Variants in ENPP3 observed in about 807,000 individuals in gnomAD.
The protein encoded by ENPP3 is ectonucleotide pyrophosphatase/phosphodiesterase 3, also known as ectonucleotide pyrophosphatase/phosphodiesterase family member 3.
A neutral mutation model predicts 117.8 loss-of-function variants in ENPP3; 104 were observed. That is an observed-to-expected ratio of 0.88 (90% CI 0.75 to 1.04). ENPP3 has a LOEUF of 1.04. ENPP3 is among the 50% of genes least tolerant of loss of function. The probability of loss-of-function intolerance (pLI) is 0.00; values close to 1 mark genes in which losing one functional copy is unlikely to be tolerated. For synonymous variants in ENPP3, 380 were observed against 349.9 expected, an observed-to-expected ratio of 1.09 and a Z score of -0.96; for missense variants, 1,026 against 1,051.9, an observed-to-expected ratio of 0.98 and a Z score of 0.34.
Position 131,650,014 on chromosome 6 carries a change from C to T in ENPP3, c.155-13C>T, listed in dbSNP as rs1444634830. The stretch of plus-strand genomic sequence containing the variant: ...CTCCTAAATGTTCGGGCCCTATTTC[C>T]TTTACTTTGTAGGCAGCTGCAGGAA... On this transcript the variant is annotated splice_polypyrimidine_tract_variant and intron_variant, in intron 2 of 24. Transcript: ENST00000357639. The T allele has an allele frequency of 5.6e-6, 9 of 1,613,548 alleles. No individual in the cohort carries two copies. The highest frequency in any genetic ancestry group is 7.6e-6 in the Non-Finnish European group (9 of 1,179,786).
chr6:131,683,059 T>G lies in ENPP3; in HGVS notation c.1017T>G (p.Ile339Met), dbSNP rs1228584624. 2.5e-6 allele frequency: 4 copies of G among 1,594,778 alleles called. No individual in the cohort carries two copies. The highest frequency in any genetic ancestry group is 3.4e-6 in the Non-Finnish European group (4 of 1,162,984). ...HAGGPVSARV[I>M]KALQVVDHAF... ...AACTCCAAATTATTTTTCAGGTAAT[T>G]AAAGCCTTACAGGTAGTAGATCATG... Residue 339 changes from isoleucine (I) to methionine (M), a missense_variant, in exon 12 of 25, where the codon ATT (isoleucine) becomes ATG (methionine). Ile to Met is a conservative substitution (Grantham distance 10). Transcript: ENST00000357639.
At chr6:131,655,232 T>C (rs767679365) in intron 5 of ENPP3, among the ~76,000 whole-genome samples, 2 of 152,238 alleles carry the variant, frequency 1.3e-5, no homozygotes, top group Non-Finnish European at 2.9e-5. Context: ...AGTCAATTCA[T>C]CTCTGAAAAG....
chr6:131,690,688 G>A (rs1302530566), intron 14 of ENPP3, among the ~76,000 whole-genome samples: 1 of 152,020 alleles, frequency 6.6e-6, no homozygotes, highest in Non-Finnish European at 1.5e-5. Flanking sequence ...GCAAAGAGTG[G>A]TTAATATAAT....
chr6:131,732,339 G>A (rs1403362970), intron 20 of ENPP3, among the ~76,000 whole-genome samples: 1 of 152,096 alleles, frequency 6.6e-6, no homozygotes, highest in Non-Finnish European at 1.5e-5. Flanking sequence ...AAATACTCGA[G>A]TTAGGCAGCA....
rs190263685 is a variant in ENPP3, at chr6:131,680,467, G to A, written c.1011+2527G>A. ...ATAAATGTGGATTTAAAGCTCAAAG[G>A]AGGTGAAGATCTGGGATATCGGCAG... On this transcript the variant is annotated intron_variant, in intron 11 of 24. Coordinates refer to ENST00000357639, the MANE Select transcript of ENPP3 (RefSeq NM_005021.5). Among the ~76,000 whole-genome samples the A allele has an allele frequency of 5.9e-5, 9 of 152,304 alleles. No individual in the cohort carries two copies. The East Asian group carries it at 1.5e-3, about 26-fold the overall frequency.
At chr6:131,646,066 A>G (rs1269254194) in intron 2 of ENPP3, among the ~76,000 whole-genome samples, 1 of 152,188 alleles carries the variant, frequency 6.6e-6, no homozygotes, top group African/African-American at 2.4e-5. Flanking sequence ...CATGTAAGAC[A>G]ACAGACTTGA....
chr6:131,738,193 T>C (rs905685566), intron 23 of ENPP3, 30 bp downstream of exon 23: 5 of 1,587,006 alleles, frequency 3.2e-6, no homozygotes, highest in East Asian at 4.5e-5. Context: ...GATTTATCAA[T>C]AGGGTCTCAT....
At chr6:131,706,525 TCTCAGAACGTATCCGCATCATTAAA>T (rs1196251488) in intron 15 of ENPP3, among the ~76,000 whole-genome samples, 1 of 150,970 alleles carries the variant, frequency 6.6e-6, no homozygotes, top group African/African-American at 2.5e-5. Flanking sequence ...ACCGCACATT[TCTCAGAACGTATCCGCATCATTAAA>T]CAACACGTGA....
chr6:131,724,038 A>G lies in ENPP3; in HGVS notation c.1747-2A>G, dbSNP rs764914565. On this transcript the variant is annotated splice_acceptor_variant, in intron 18 of 24. Transcript: ENST00000357639. LOFTEE classifies it high-confidence loss of function. ...CCTTTCCCATCCCTCATTATCTTGCAGAGTACTCAGCTGGAACAAGTGAAT... is the reference window on the plus strand; with the variant it reads ...CCTTTCCCATCCCTCATTATCTTGCGGAGTACTCAGCTGGAACAAGTGAAT... The G allele has an allele frequency of 3.1e-6, 5 of 1,607,138 alleles. No homozygotes were observed. The highest frequency in any genetic ancestry group is 4.3e-6 in the Non-Finnish European group (5 of 1,174,242).
chr6:131,724,110 T>A lies in ENPP3; in HGVS notation c.1798+19T>A, dbSNP rs775262078. The A allele has an allele frequency of 6.3e-7, 1 of 1,576,048 alleles. No individual in the cohort carries two copies. Among genetic ancestry groups the A allele is most frequent in the Admixed American group, 1.7e-5 (1 of 59,766 alleles). On this transcript the variant is annotated intron_variant, in intron 19 of 24. Transcript: ENST00000357639. Reference sequence around the variant, plus strand: ...GAAGAAAGTAAGTCAATAGAAAACATGTTAAGTCTTTGATATTTAGACCTA... The same window carrying A: ...GAAGAAAGTAAGTCAATAGAAAACAAGTTAAGTCTTTGATATTTAGACCTA...
intron 21 of ENPP3, among the ~76,000 whole-genome samples, chr6:131,735,316 GACTTTCCA>G (rs1780371797): frequency 6.6e-6 from 1 of 152,128 alleles, no homozygotes; most frequent in Admixed American, 6.5e-5. Context: ...TATGTTGATT[GACTTTCCA>G]ACTTTCAGGG....
intron 1 of ENPP3, among the ~76,000 whole-genome samples, chr6:131,639,077 A>G (rs1777986464): frequency 6.6e-6 from 1 of 151,952 alleles, no homozygotes. Flanking sequence ...TTTTAAGGTC[A>G]CCGCTATTCT....
At position 131,727,555 on chromosome 6, in the gene ENPP3, CAAAA is replaced by C. The variant is rs773470669; in HGVS notation, c.1953+1375_1953+1378del. On this transcript the variant is annotated intron_variant, in intron 20 of 24. Coordinates refer to ENST00000357639, the MANE Select transcript of ENPP3 (RefSeq NM_005021.5). The stretch of plus-strand genomic sequence containing the variant: ...GAGCAACAACAGTGAAAGTCCATCT[CAAAA>C]AAAAAAAAAAAAAAAAAAACAGCAA... 7.7e-5 allele frequency among the ~76,000 whole-genome samples: 4 copies of C among 52,264 alleles called. No homozygotes were observed. The South Asian group carries it at 2.8e-3, about 37-fold the overall frequency. 34.3% of individuals were successfully genotyped at this position (52,264 alleles called of 152,430 possible). A position where few individuals can be genotyped will look rare whatever the true frequency, so the allele number is the denominator to read the frequency against.
chr6:131,639,181 A>G (rs939959731), intron 1 of ENPP3, among the ~76,000 whole-genome samples: 6 of 150,968 alleles, frequency 4.0e-5, no homozygotes, highest in African/African-American at 1.5e-4. Context: ...TCCTCAATAT[A>G]TTCCATTTAT....
intron 21 of ENPP3, among the ~76,000 whole-genome samples, chr6:131,736,731 G>A (rs975325154): frequency 2.0e-5 from 3 of 152,042 alleles, no homozygotes; most frequent in African/African-American, 7.2e-5. Flanking sequence ...ATTTATATCT[G>A]GCATTCTGTT....
At position 131,676,723 on chromosome 6, in the gene ENPP3, C is replaced by G. The variant is rs771134449; in HGVS notation, c.873-13C>G. ...ATTCATTTTAAAGAATTATTTCTAC[C>G]CTATTTTTTCAGAAGTGTCCCATTT... On this transcript the variant is annotated splice_polypyrimidine_tract_variant and intron_variant, in intron 9 of 24. Transcript: ENST00000357639. 1 of 1,539,228 alleles carries G rather than the reference C, an allele frequency of 6.5e-7. No homozygotes were observed. The highest frequency in any genetic ancestry group is 1.4e-5 in the African/African-American group (1 of 73,504).
intron 16 of ENPP3, 58 bp downstream of exon 16, chr6:131,718,796 A>G (rs1779952990): frequency 9.7e-7 from 1 of 1,026,280 alleles, no homozygotes; most frequent in African/African-American, 1.6e-5. Context: ...CATGTACAGA[A>G]TGTGCAGGTT....
intron 14 of ENPP3, among the ~76,000 whole-genome samples, chr6:131,687,270 G>C (rs1779173278): frequency 6.6e-6 from 1 of 152,054 alleles, no homozygotes; most frequent in Non-Finnish European, 1.5e-5. Context: ...CAAGCAATTG[G>C]GAAATAACAT....
chr6:131,740,648 A>C (rs1404691311), intron 24 of ENPP3, among the ~76,000 whole-genome samples: 1 of 152,208 alleles, frequency 6.6e-6, no homozygotes, highest in Admixed American at 6.5e-5. Context: ...TAATAATGAA[A>C]GAGGTGAAAT....
Sources: allele counts gnomAD v4.1 joint callset (sites outside exome capture counted in the v4.1 genomes callset), GRCh38; gene constraint gnomAD v4.1.1; transcripts MANE v1.5; gene names NCBI Gene and HGNC (gene_info 2026-07-23, HGNC 2026-07-21).